Variants in ALG9 observed in about 807,000 individuals in gnomAD.
ALG9 encodes the protein alpha-1,2-mannosyltransferase ALG9.
A neutral mutation model predicts 81.8 loss-of-function variants in ALG9; 55 were observed. The observed-to-expected ratio is 0.67, with a 90% CI of 0.54 to 0.84. ALG9 has a LOEUF of 0.84. Among genes scored for constraint, ALG9 ranks in the 40% least tolerant of loss-of-function variants. The pLI is 0.00. For missense variants in ALG9, 629 were observed against 745.0 expected (o/e 0.84, Z 1.81); for synonymous variants, 278 against 274.3 (o/e 1.01, Z -0.13).
chr11:111,852,279 C>T (rs1052823034), intron 8 of ALG9, among the ~76,000 whole-genome samples: 1 of 152,182 alleles, frequency 6.6e-6, no homozygotes, highest in African/African-American at 2.4e-5. Flanking sequence ...GAAAAAACTG[C>T]CTCTCTCGTG....
intron 14 of ALG9, among the ~76,000 whole-genome samples, chr11:111,807,351 C>T (rs1555086131): frequency 6.6e-6 from 1 of 152,134 alleles, no homozygotes; most frequent in African/African-American, 2.4e-5. Context: ...CCTTATGCCA[C>T]AGCCTTTCAC....
At chr11:111,791,554 C>G (rs1947411138) in intron 14 of ALG9, among the ~76,000 whole-genome samples, 1 of 152,220 alleles carries the variant, frequency 6.6e-6, no homozygotes, top group Non-Finnish European at 1.5e-5. Context: ...AAATCCCAAA[C>G]TCTCTCATTG....
Position 111,871,359 on chromosome 11 carries a change from G to A in ALG9, c.124C>T (p.Arg42Trp), listed in dbSNP as rs1417298979. 7 of 1,530,112 alleles carry A rather than the reference G, an allele frequency of 4.6e-6. No homozygotes were observed. Among genetic ancestry groups the A allele is most frequent in the African/African-American group, 2.8e-5 (2 of 72,708 alleles). 94.8% of individuals were successfully genotyped at this position (1,530,112 alleles called of 1,614,324 possible). The stretch of plus-strand genomic sequence containing the variant: ...GCCGCGCCGCACACGTACTCGGTCC[G>A]GTGCTCCGCGCCGCCCGCCTCTCGG... ...GSREAGGAEH[R>W]TELSGNKAGQ... The change falls in exon 1 of 15, where the codon CGG becomes TGG. Residue 42 changes from arginine to tryptophan, a missense_variant. This residue lies in a region of ALG9 where 344 missense variants were observed against 390.5 expected (regional missense o/e 0.88). Transcript: ENST00000616540.
chr11:111,855,212 C>T (rs1319638006), intron 6 of ALG9, among the ~76,000 whole-genome samples: 1 of 152,170 alleles, frequency 6.6e-6, no homozygotes, highest in African/African-American at 2.4e-5. Flanking sequence ...AGTCTTCTCC[C>T]TCTGTGTATG....
intron 5 of ALG9, among the ~76,000 whole-genome samples, chr11:111,858,509 GAT>G (rs1270372173): frequency 2.2e-4 from 34 of 152,318 alleles, no homozygotes; most frequent in African/African-American, 8.2e-4. Flanking sequence ...TCAAGGGCCA[GAT>G]ATTGTATGGC....
intron 12 of ALG9, 84 bp downstream of exon 12, chr11:111,837,384 G>T: frequency 6.5e-7 from 1 of 1,549,150 alleles, no homozygotes. Flanking sequence ...AACTCCAAAA[G>T]AAAACAAAAA....
intron 13 of ALG9, among the ~76,000 whole-genome samples, chr11:111,812,834 T>C (rs1950922714): frequency 1.4e-5 from 2 of 143,676 alleles, no homozygotes; most frequent in Admixed American, 7.5e-5. Flanking sequence ...GGAAAATTCT[T>C]TGAACCCCGG....
intron 14 of ALG9, among the ~76,000 whole-genome samples, chr11:111,803,704 C>T (rs1331736135): frequency 6.6e-6 from 1 of 152,006 alleles, no homozygotes; most frequent in Non-Finnish European, 1.5e-5. Context: ...AAAGGCAACA[C>T]AATAAAAAAC....
rs1428876341 is a variant in ALG9 at position 111,786,022 on chromosome 11, G to C, written c.*375C>G. ...CTCAGATGCCAGGCCAGAGTGTGGA[G>C]AACAGCTTATCACAGCCATCCAGTA... On this transcript the variant is annotated 3_prime_UTR_variant, in exon 15 of 15. Transcript: ENST00000616540. 3 of 457,496 alleles carry C rather than the reference G, an allele frequency of 6.6e-6. No individual in the cohort carries two copies. Among genetic ancestry groups the C allele is most frequent in the South Asian group, 1.5e-5 (1 of 64,600 alleles). 28.3% of individuals were successfully genotyped at this position (457,496 alleles called of 1,614,324 possible).
At chr11:111,832,460 G>A (rs782587156) in intron 13 of ALG9, among the ~76,000 whole-genome samples, 17 of 151,070 alleles carry the variant, frequency 1.1e-4, no homozygotes, top group African/African-American at 1.7e-4. Context: ...TTTTTTTATT[G>A]TAGAGACTGA....
At chr11:111,812,640 T>G (rs542979853) in intron 13 of ALG9, among the ~76,000 whole-genome samples, 8 of 152,164 alleles carry the variant, frequency 5.3e-5, no homozygotes, top group South Asian at 2.1e-4. Flanking sequence ...CAGTAGGCCA[T>G]GTACAGTGGC....
At chr11:111,866,305 C>CA (rs1418555700) in intron 3 of ALG9, among the ~76,000 whole-genome samples, 2 of 151,640 alleles carry the variant, frequency 1.3e-5, no homozygotes, top group Admixed American at 6.6e-5. Flanking sequence ...CAAAAACAAA[C>CA]AAAAAAAATG....
chr11:111,851,713 T>C (rs1389340307), intron 8 of ALG9, among the ~76,000 whole-genome samples: 1 of 152,188 alleles, frequency 6.6e-6, no homozygotes, highest in East Asian at 1.9e-4. Flanking sequence ...ATTTCTACTG[T>C]GCAGTCTAGA....
intron 8 of ALG9, among the ~76,000 whole-genome samples, chr11:111,847,230 C>A (rs1464810959): frequency 1.3e-5 from 2 of 151,910 alleles, no homozygotes; most frequent in Admixed American, 1.3e-4. Flanking sequence ...ACAGTTCTGG[C>A]TGGCAGTGAA....
chr11:111,870,382 C>CAAAAA lies in ALG9; in HGVS notation c.132-17_132-13dup, dbSNP rs60312459. 668 of 973,778 alleles carry CAAAAA rather than the reference C, an allele frequency of 6.9e-4. 3 individuals are homozygous for CAAAAA. The highest frequency in any genetic ancestry group is 4.4e-3 in the South Asian group (190 of 42,888). 60.3% of individuals were successfully genotyped at this position (973,778 alleles called of 1,614,324 possible). A position where few individuals can be genotyped will look rare whatever the true frequency, so the allele number is the denominator to read the frequency against. On this transcript the variant is annotated splice_polypyrimidine_tract_variant and intron_variant, in intron 1 of 14. Transcript: ENST00000616540. ...TGTTCCCAGATAACCTGTTCAAAAG[C>CAAAAA]AAAAAAAAAAAAAAAAAAAAAAGCA...
At chr11:111,773,093 G>A in the ALG9 span, among the ~76,000 whole-genome samples, 3 of 151,820 alleles carry the variant, frequency 2.0e-5, no homozygotes, top group Non-Finnish European at 4.4e-5. Flanking sequence ...AAAAAATACA[G>A]AAGTTGTATT....
At chr11:111,802,865 C>A (rs780902383) in intron 14 of ALG9, among the ~76,000 whole-genome samples, 7 of 152,154 alleles carry the variant, frequency 4.6e-5, no homozygotes, top group Non-Finnish European at 1.0e-4. Context: ...TTATTTCACA[C>A]CTTCTTTCTC....
rs534102507 is a variant in ALG9, at chr11:111,848,540, A to C, written c.896-3817T>G. Among the ~76,000 whole-genome samples the C allele has an allele frequency of 1.1e-3, 168 of 148,180 alleles. 1 individual carries two copies. Among genetic ancestry groups the C allele is most frequent in the African/African-American group, 3.8e-3 (152 of 39,858 alleles). ...AGGAGGCAGAGGTTGCGGGGAGTCG[A>C]GGTCACCCCACTGCACTCCAGCCTG... On this transcript the variant is annotated intron_variant, in intron 8 of 14. Coordinates refer to ENST00000616540, the MANE Select transcript of ALG9 (RefSeq NM_024740.2).
intron 13 of ALG9, among the ~76,000 whole-genome samples, chr11:111,834,503 A>T (rs561540729): frequency 6.6e-6 from 1 of 152,362 alleles, no homozygotes; most frequent in South Asian, 2.1e-4. Context: ...ATAATATCAA[A>T]TATCATAATT....
Sources: gnomAD v4.1 joint callset for allele counts (sites outside exome capture counted in the v4.1 genomes callset) on GRCh38, gnomAD v4.1.1 for gene constraint, gnomAD v4.1.1 regional missense constraint, MANE v1.5 for transcripts, NCBI Gene and HGNC (gene_info 2026-07-23, HGNC 2026-07-21) for gene names.